Variants in PLCL1 observed in about 807,000 individuals in gnomAD.
PLCL1 encodes the protein phospholipase C like 1 (inactive), also known as inactive phospholipase C-like protein 1.
PLCL1 carries 41 observed loss-of-function variants against 84.4 expected under a neutral mutation model. The ratio of observed to expected loss-of-function variants is 0.49; its 90% CI spans 0.38 to 0.63. PLCL1 has a LOEUF of 0.63. PLCL1 is among the 30% of genes least tolerant of loss of function. The pLI, the probability that PLCL1 is intolerant of heterozygous loss-of-function variation, is 0.00. For synonymous variants in PLCL1, 490 were observed against 488.3 expected (o/e 1.00, Z -0.05); for missense variants, 1,206 against 1,367.8 (o/e 0.88, Z 1.87).
At chr2:197,984,095 A>G (rs1440255637) in intron 1 of PLCL1, among the ~76,000 whole-genome samples, 2 of 152,150 alleles carry the variant, frequency 1.3e-5, no homozygotes, top group African/African-American at 4.8e-5. Context: ...AAAATTTTTT[A>G]GATTTGTTTT....
intron 1 of PLCL1, among the ~76,000 whole-genome samples, chr2:197,952,746 C>T (rs1266966953): frequency 6.6e-6 from 1 of 152,022 alleles, no homozygotes; most frequent in East Asian, 1.9e-4. Flanking sequence ...CGGTTTCCCC[C>T]ATACTGTTCT....
At chr2:197,836,817 C>T (rs1691201215) in intron 1 of PLCL1, among the ~76,000 whole-genome samples, 1 of 152,092 alleles carries the variant, frequency 6.6e-6, no homozygotes, top group South Asian at 2.1e-4. Flanking sequence ...ACTGCCTAAG[C>T]TTAAGGGATC....
chr2:197,877,743 C>A (rs920054216), intron 1 of PLCL1, among the ~76,000 whole-genome samples: 1 of 151,908 alleles, frequency 6.6e-6, no homozygotes, highest in Admixed American at 6.6e-5. Context: ...TTTCTTAGAG[C>A]AAATCCTAAA....
At chr2:198,131,506 G>A (rs1694117730) in intron 5 of PLCL1, among the ~76,000 whole-genome samples, 1 of 152,178 alleles carries the variant, frequency 6.6e-6, no homozygotes, top group Non-Finnish European at 1.5e-5. Flanking sequence ...TTTAGCATAT[G>A]AGGTCAAATC....
Position 198,084,713 on chromosome 2 carries a change from A to C in PLCL1, c.1196A>C (p.Asp399Ala), listed in dbSNP as rs749114138. The part of the protein sequence containing the change: ...FDPEQKKVAQ[D>A]MTQPLSHYYI... ...CCTGAGCAAAAGAAGGTTGCCCAAGATATGACCCAGCCATTATCTCACTAC... is the reference window on the plus strand; with the variant it reads ...CCTGAGCAAAAGAAGGTTGCCCAAGCTATGACCCAGCCATTATCTCACTAC... The change falls in exon 2 of 6, where the codon GAT becomes GCT. Residue 399 changes from aspartate (D) to alanine (A), a missense_variant. Asp to Ala is a moderately radical substitution (Grantham distance 126). Coordinates refer to ENST00000428675, the MANE Select transcript of PLCL1 (RefSeq NM_006226.4). The C allele has an allele frequency of 7.4e-6, 12 of 1,614,082 alleles. No homozygotes were observed. The highest frequency in any genetic ancestry group is 5.9e-6 in the Non-Finnish European group (7 of 1,179,980).
At chr2:197,833,156 A>G (rs1437849871) in intron 1 of PLCL1, among the ~76,000 whole-genome samples, 2 of 152,206 alleles carry the variant, frequency 1.3e-5, no homozygotes, top group East Asian at 1.9e-4. Context: ...AAAACTCTCA[A>G]TAAGGTAGGT....
chr2:198,089,239 T>C (rs1692960998), intron 3 of PLCL1, among the ~76,000 whole-genome samples, 178 bp downstream of exon 3: 1 of 152,152 alleles, frequency 6.6e-6, no homozygotes, highest in South Asian at 2.1e-4. Flanking sequence ...TGGAAAACTC[T>C]GAGAAAATGA....
chr2:197,902,577 G>T (rs914100605), intron 1 of PLCL1, among the ~76,000 whole-genome samples: 1 of 152,170 alleles, frequency 6.6e-6, no homozygotes, highest in African/African-American at 2.4e-5. Context: ...TTCCCTAATA[G>T]TTTTGTAGGC....
At chr2:198,079,661 A>G (rs1047313898) in intron 1 of PLCL1, among the ~76,000 whole-genome samples, 2 of 152,172 alleles carry the variant, frequency 1.3e-5, no homozygotes, top group Non-Finnish European at 2.9e-5. Flanking sequence ...GAATAATTTC[A>G]AAAGACAGTA....
chr2:198,132,264 T>C (rs1694137989), intron 5 of PLCL1, among the ~76,000 whole-genome samples: 2 of 152,174 alleles, frequency 1.3e-5, no homozygotes, highest in South Asian at 4.1e-4. Flanking sequence ...TGGTGAATCC[T>C]TGGTCCAACC....
Position 198,084,788 on chromosome 2 carries a change from G to C in PLCL1, c.1271G>C (p.Gly424Ala), listed in dbSNP as rs1223919682. Residue 424 changes from glycine (G) to alanine (A), a missense_variant, in exon 2 of 6, where the codon GGG becomes GCG. By Grantham distance (60) the Gly-to-Ala change is moderately conservative. Transcript: ENST00000428675. ...NTYLIEDQFR[G>A]PADINGYIRA... ...TATCTAATAGAAGACCAGTTCAGGG[G>C]GCCAGCTGACATCAATGGGTACATT... is the stretch of plus-strand genomic sequence containing the variant. 7 of 1,614,036 alleles carry C rather than the reference G, an allele frequency of 4.3e-6. No individual in the cohort carries two copies. Among genetic ancestry groups the C allele is most frequent in the Non-Finnish European group, 5.9e-6 (7 of 1,179,964 alleles).
At chr2:198,039,923 A>G (rs1390466300) in intron 1 of PLCL1, among the ~76,000 whole-genome samples, 1 of 152,230 alleles carries the variant, frequency 6.6e-6, no homozygotes, top group Non-Finnish European at 1.5e-5. Flanking sequence ...AATGGAGAAC[A>G]TGTTATTTGC....
chr2:197,933,301 T>C (rs1253693296), intron 1 of PLCL1, among the ~76,000 whole-genome samples: 2 of 149,938 alleles, frequency 1.3e-5, no homozygotes, highest in Non-Finnish European at 3.0e-5. Context: ...TCTCTCTCTG[T>C]TGCCCAGGCT....
chr2:197,870,943 C>T (rs983476561), intron 1 of PLCL1, among the ~76,000 whole-genome samples: 1 of 151,988 alleles, frequency 6.6e-6, no homozygotes, highest in African/African-American at 2.4e-5. Flanking sequence ...TGATACCATC[C>T]GTGATTCAGA....
intron 1 of PLCL1, among the ~76,000 whole-genome samples, chr2:197,918,204 A>G (rs1453514057): frequency 1.3e-5 from 2 of 152,194 alleles, no homozygotes; most frequent in African/African-American, 4.8e-5. Context: ...ATCATGAGAA[A>G]AACATCAGAT....
At chr2:197,886,692 T>G (rs1687931344) in intron 1 of PLCL1, among the ~76,000 whole-genome samples, 2 of 152,174 alleles carry the variant, frequency 1.3e-5, no homozygotes, top group African/African-American at 4.8e-5. Context: ...TCAGTGTCTT[T>G]GACACTAAGG....
intron 1 of PLCL1, among the ~76,000 whole-genome samples, chr2:197,830,704 C>G (rs1255091876): frequency 6.6e-6 from 1 of 151,922 alleles, no homozygotes; most frequent in African/African-American, 2.4e-5. Context: ...AAGAGCAACC[C>G]CAAGACACAT....
At chr2:198,028,098 C>T (rs948065294) in intron 1 of PLCL1, among the ~76,000 whole-genome samples, 1 of 152,162 alleles carries the variant, frequency 6.6e-6, no homozygotes, top group Non-Finnish European at 1.5e-5. Context: ...ATCTCAGCCT[C>T]CCAAAGTGTT....
intron 1 of PLCL1, among the ~76,000 whole-genome samples, chr2:197,861,723 G>A (rs756008444): frequency 4.6e-5 from 7 of 152,180 alleles, no homozygotes; most frequent in African/African-American, 1.2e-4. Flanking sequence ...ACACCCAGCT[G>A]GTGTCTGCTG....
Sources: gnomAD v4.1 joint callset for allele counts (sites outside exome capture counted in the v4.1 genomes callset) on GRCh38, gnomAD v4.1.1 for gene constraint, MANE v1.5 for transcripts, NCBI Gene and HGNC (gene_info 2026-07-23, HGNC 2026-07-21) for gene names.